SGCZ: variants seen among roughly 807,000 people sequenced by gnomAD.
SGCZ encodes the protein sarcoglycan zeta, also known as zeta-sarcoglycan.
SGCZ carries 40 observed loss-of-function variants against 41.3 expected under a neutral mutation model. The observed-to-expected ratio is 0.97, with a 90% CI of 0.75 to 1.26. SGCZ has a LOEUF of 1.26. Among genes scored for constraint, SGCZ ranks in the 50% most tolerant of loss-of-function variants. The pLI is 0.00. For synonymous variants in SGCZ, 206 were observed against 137.5 expected (o/e 1.50, Z -3.49); for missense variants, 552 against 369.8 (o/e 1.49, Z -4.04).
In SGCZ at chr8:14,552,858, A is replaced by C. The variant is rs571727814; in HGVS notation, c.234+1874T>G. 1.2e-4 allele frequency among the ~76,000 whole-genome samples: 18 copies of C among 152,152 alleles called. No individual in the cohort carries two copies. The East Asian group carries it at 3.3e-3, about 28-fold the overall frequency. On this transcript the variant is annotated intron_variant, in intron 2 of 7. Transcript: ENST00000382080. Reference sequence around the variant, plus strand: ...AAAGCTCACAAGGCTTGAACCTGAAAATTCCTGGGGTTTAGTCATTGGAAG... The same window carrying C: ...AAAGCTCACAAGGCTTGAACCTGAACATTCCTGGGGTTTAGTCATTGGAAG...
At chr8:15,136,152 G>C (rs1215065457) in intron 1 of SGCZ, among the ~76,000 whole-genome samples, 1 of 152,064 alleles carries the variant, frequency 6.6e-6, no homozygotes, top group East Asian at 1.9e-4. Context: ...CAGGGTCCAA[G>C]ACCCACCTCT....
At chr8:14,341,214 T>C (rs1802692909) in intron 2 of SGCZ, among the ~76,000 whole-genome samples, 1 of 152,232 alleles carries the variant, frequency 6.6e-6, no homozygotes, top group South Asian at 2.1e-4. Context: ...ATTTGAATAT[T>C]GTGAATAACT....
chr8:15,037,705 A>G (rs1244509244), intron 1 of SGCZ, among the ~76,000 whole-genome samples: 1 of 152,200 alleles, frequency 6.6e-6, no homozygotes, highest in East Asian at 1.9e-4. Flanking sequence ...AAGAGATGAC[A>G]TAATCATATG....
chr8:14,480,281 T>C (rs1417211200), intron 2 of SGCZ, among the ~76,000 whole-genome samples: 1 of 152,198 alleles, frequency 6.6e-6, no homozygotes, highest in African/African-American at 2.4e-5. Flanking sequence ...CAACAGCGTC[T>C]ACATTCTACT....
chr8:15,068,597 C>T (rs1354208555), intron 1 of SGCZ, among the ~76,000 whole-genome samples: 3 of 152,156 alleles, frequency 2.0e-5, no homozygotes, highest in East Asian at 1.9e-4. Context: ...GTCAGTTTTA[C>T]ATCCATGCTT....
intron 3 of SGCZ, among the ~76,000 whole-genome samples, chr8:14,249,817 A>T (rs1005901290): frequency 1.3e-5 from 2 of 152,102 alleles, no homozygotes; most frequent in African/African-American, 4.8e-5. Flanking sequence ...TTCTACACTA[A>T]TGGAAGATAA....
chr8:14,915,629 C>T lies in SGCZ; in HGVS notation c.39+321956G>A, dbSNP rs186068304. 4.6e-5 allele frequency among the ~76,000 whole-genome samples: 7 copies of T among 152,208 alleles called. No individual in the cohort carries two copies. The East Asian group carries it at 7.8e-4, about 17-fold the overall frequency. ...GCCCATTTGTGTTAAGATTAGGGCACGGCGACCAGCCTTCCCCATGCTATG... is the reference window on the plus strand; with the variant it reads ...GCCCATTTGTGTTAAGATTAGGGCATGGCGACCAGCCTTCCCCATGCTATG... On this transcript the variant is annotated intron_variant, in intron 1 of 7. Transcript: ENST00000382080.
chr8:14,642,727 G>C (rs1232190309), intron 1 of SGCZ, among the ~76,000 whole-genome samples: 4 of 150,958 alleles, frequency 2.6e-5, no homozygotes, highest in African/African-American at 9.7e-5. Context: ...TTAATTTGTT[G>C]GTCAGATTTA....
chr8:14,450,850 G>A (rs1800572624), intron 2 of SGCZ, among the ~76,000 whole-genome samples: 1 of 152,092 alleles, frequency 6.6e-6, no homozygotes, highest in African/African-American at 2.4e-5. Context: ...TTCCTGATAT[G>A]TGTATTCTCT....
At chr8:14,516,256 C>T (rs915469647) in intron 2 of SGCZ, among the ~76,000 whole-genome samples, 29 of 152,078 alleles carry the variant, frequency 1.9e-4, no homozygotes, top group African/African-American at 6.7e-4. Flanking sequence ...CTATTAATCG[C>T]AGTACTCAGT....
chr8:14,471,797 C>G (rs1361352375), intron 2 of SGCZ, among the ~76,000 whole-genome samples: 1 of 152,026 alleles, frequency 6.6e-6, no homozygotes, highest in Non-Finnish European at 1.5e-5. Context: ...AAATACATAT[C>G]TGCCAATAAT....
chr8:14,863,469 T>C (rs149764140), intron 1 of SGCZ, among the ~76,000 whole-genome samples: 3,580 of 152,042 alleles, frequency 0.024, 51 homozygotes, highest in Middle Eastern at 0.048. Flanking sequence ...GGACTACAGG[T>C]ACTCACCACT....
chr8:15,005,328 C>CTTTTTTTTTTTTTTTT (rs10603664), intron 1 of SGCZ, among the ~76,000 whole-genome samples: 6 of 78,734 alleles, frequency 7.6e-5, no homozygotes, highest in South Asian at 4.8e-4. Flanking sequence ...TTTTCTTTTT[C>CTTTTTTTTTTTTTTTT]TTTTTTTTTT....
chr8:15,187,462 T>C (rs1349793118), intron 1 of SGCZ, among the ~76,000 whole-genome samples: 3 of 152,220 alleles, frequency 2.0e-5, no homozygotes, highest in East Asian at 3.9e-4. Context: ...CAAATGGTTA[T>C]AATACGAAAT....
intron 3 of SGCZ, among the ~76,000 whole-genome samples, chr8:14,242,760 C>T (rs931010745): frequency 2.0e-5 from 3 of 152,018 alleles, no homozygotes; most frequent in African/African-American, 7.2e-5. Context: ...AGGTAACAAG[C>T]CATGTTGGAA....
intron 2 of SGCZ, among the ~76,000 whole-genome samples, chr8:14,437,335 T>C (rs1202958068): frequency 2.6e-5 from 4 of 152,194 alleles, no homozygotes; most frequent in Admixed American, 6.5e-5. Context: ...CAAGTTTTGC[T>C]GTAGTATCAC....
chr8:15,120,184 G>A (rs1008090032), intron 1 of SGCZ, among the ~76,000 whole-genome samples: 1 of 152,138 alleles, frequency 6.6e-6, no homozygotes, highest in Non-Finnish European at 1.5e-5. Flanking sequence ...CACTGATCCT[G>A]CCAATGAACG....
chr8:15,146,805 ATTC>A (rs1799049176), intron 1 of SGCZ, among the ~76,000 whole-genome samples: 1 of 152,148 alleles, frequency 6.6e-6, no homozygotes, highest in African/African-American at 2.4e-5. Context: ...TTTCTGAATT[ATTC>A]TTCAATATCT....
intron 2 of SGCZ, among the ~76,000 whole-genome samples, chr8:14,391,138 A>C (rs1355612030): frequency 6.6e-6 from 1 of 152,140 alleles, no homozygotes; most frequent in Non-Finnish European, 1.5e-5. Context: ...TTAAGGCTCT[A>C]GGGGTGATCT....
Sources: allele counts gnomAD v4.1 joint callset (sites outside exome capture counted in the v4.1 genomes callset), GRCh38; gene constraint gnomAD v4.1.1; transcripts MANE v1.5; gene names NCBI Gene and HGNC (gene_info 2026-07-23, HGNC 2026-07-21).